The following RASGRP3 variants were observed in gnomAD, a reference collection of about 807,000 sequenced individuals.
RASGRP3 encodes RAS guanyl releasing protein 3.
RASGRP3 carries 54 observed loss-of-function variants against 82.7 expected under a neutral mutation model. The observed-to-expected ratio is 0.65, with a 90% CI of 0.52 to 0.82. The LOEUF is 0.82. Ranked by LOEUF, RASGRP3 falls within the 40% of genes least tolerant of loss-of-function variation. The probability of loss-of-function intolerance (pLI) is 0.00; values close to 1 mark genes in which losing one functional copy is unlikely to be tolerated. For missense variants in RASGRP3, 861 were observed against 828.9 expected (o/e 1.04, Z -0.48); for synonymous variants, 309 against 300.5 (o/e 1.03, Z -0.29).
rs74600205 is a variant in RASGRP3, at chr2:33,516,637, C to G, written c.166C>G (p.Leu56Val). 7,366 of 1,541,298 alleles carry G rather than the reference C, an allele frequency of 4.8e-3. 31 individuals are homozygous for G. The highest frequency in any genetic ancestry group is 6.1e-3 in the Non-Finnish European group (6,892 of 1,123,482). ...TTCCACTGAATTGGCAGAAAAACTTCTCTGCATATATCTTTTCAACTACTG... is the reference window on the plus strand; with the variant it reads ...TTCCACTGAATTGGCAGAAAAACTTGTCTGCATATATCTTTTCAACTACTG... Reference protein sequence around the residue: ...LSSTELAEKLLCMYRNATGES... With the variant: ...LSSTELAEKLVCMYRNATGES... Residue 56 changes from leucine (L) to valine (V), a missense_variant, in exon 4 of 18, where the codon CTC (leucine) becomes GTC (valine). Physicochemically the swap from Leu to Val is conservative, Grantham distance 32 (BLOSUM62 1). Coordinates refer to ENST00000403687, the MANE Select transcript of RASGRP3 (RefSeq NM_001139488.2).
chr2:33,452,062 T>C (rs538264381), intron 2 of RASGRP3, among the ~76,000 whole-genome samples: 1 of 152,310 alleles, frequency 6.6e-6, no homozygotes, highest in African/African-American at 2.4e-5. Context: ...AGATCCAGAA[T>C]TTCTGCCTTG....
chr2:33,450,124 TA>T (rs1313352765), intron 2 of RASGRP3, among the ~76,000 whole-genome samples: 1 of 152,210 alleles, frequency 6.6e-6, no homozygotes, highest in Non-Finnish European at 1.5e-5. Context: ...ATTGACAAAC[TA>T]AAATTGTATA....
At chr2:33,497,623 G>A (rs919911901) in intron 1 of RASGRP3, among the ~76,000 whole-genome samples, 2 of 152,048 alleles carry the variant, frequency 1.3e-5, no homozygotes, top group African/African-American at 4.8e-5. Flanking sequence ...AAGATTCATT[G>A]GTCTATTACT....
At chr2:33,484,546 T>C (rs1467445083) in intron 1 of RASGRP3, among the ~76,000 whole-genome samples, 1 of 152,092 alleles carries the variant, frequency 6.6e-6, no homozygotes, top group Admixed American at 6.5e-5. Flanking sequence ...ATTTTTTTTT[T>C]TTATGGTAAG....
At chr2:33,549,383 C>G (rs10209773) in intron 13 of RASGRP3, among the ~76,000 whole-genome samples, 2 of 152,040 alleles carry the variant, frequency 1.3e-5, no homozygotes, top group Non-Finnish European at 2.9e-5. Flanking sequence ...CACACACACA[C>G]GCAGGATGCA....
intron 8 of RASGRP3, 51 bp downstream of exon 8, chr2:33,524,103 C>A: frequency 6.3e-7 from 1 of 1,575,566 alleles, no homozygotes; most frequent in Non-Finnish European, 8.7e-7. Flanking sequence ...TTCGTTCACT[C>A]TGTTGAGAAA....
chr2:33,462,830 T>C (rs1666457138), intron 2 of RASGRP3, among the ~76,000 whole-genome samples: 1 of 152,256 alleles, frequency 6.6e-6, no homozygotes, highest in South Asian at 2.1e-4. Context: ...GTAGTTCTGC[T>C]TTGAAATAGC....
intron 1 of RASGRP3, among the ~76,000 whole-genome samples, chr2:33,507,512 A>G (rs1238508596): frequency 1.3e-5 from 2 of 152,170 alleles, no homozygotes; most frequent in Non-Finnish European, 2.9e-5. Flanking sequence ...ATTTTGGATC[A>G]AGTCAAAGGA....
chr2:33,513,201 T>C (rs1240143986), intron 2 of RASGRP3, among the ~76,000 whole-genome samples: 1 of 152,250 alleles, frequency 6.6e-6, no homozygotes, highest in African/African-American at 2.4e-5. Context: ...TTATTTTATG[T>C]TCTAAGAGTG....
chr2:33,500,515 G>T (rs1574351764), intron 1 of RASGRP3, among the ~76,000 whole-genome samples: 1 of 152,160 alleles, frequency 6.6e-6, no homozygotes, highest in Admixed American at 6.5e-5. Flanking sequence ...TCAGACTTGG[G>T]CATGAGGGAT....
At chr2:33,539,268 A>G in intron 12 of RASGRP3, 58 bp downstream of exon 12, 11 of 1,322,974 alleles carry the variant, frequency 8.3e-6, no homozygotes, top group Non-Finnish European at 1.2e-5. Context: ...TCTTTCCAGA[A>G]TGTTCTGCGA....
At chr2:33,512,868 G>T (rs928828064) in intron 2 of RASGRP3, among the ~76,000 whole-genome samples, 1 of 152,146 alleles carries the variant, frequency 6.6e-6, no homozygotes, top group African/African-American at 2.4e-5. Flanking sequence ...TGGAGCTTAT[G>T]TTTATGACAC....
intron 2 of RASGRP3, among the ~76,000 whole-genome samples, chr2:33,471,289 C>A (rs1226125631): frequency 7.0e-6 from 1 of 141,920 alleles, no homozygotes; most frequent in Non-Finnish European, 1.6e-5. Flanking sequence ...GATCCTCCTG[C>A]CTCATCCTCC....
chr2:33,439,718 G>C (rs930207654), intron 1 of RASGRP3, among the ~76,000 whole-genome samples: 5 of 152,066 alleles, frequency 3.3e-5, no homozygotes, highest in Non-Finnish European at 7.4e-5. Context: ...AGCAGCAGAG[G>C]GAATGAGCCT....
At chr2:33,474,184 G>A (rs1214137579), upstream of RASGRP3, among the ~76,000 whole-genome samples, 2 of 152,108 alleles carry the variant, frequency 1.3e-5, no homozygotes, top group African/African-American at 4.8e-5. Context: ...TAGTTTGGAT[G>A]TTGTGCCCAC....
intron 2 of RASGRP3, among the ~76,000 whole-genome samples, chr2:33,464,967 T>C (rs1226374890): frequency 1.3e-5 from 2 of 152,156 alleles, no homozygotes; most frequent in African/African-American, 4.8e-5. Flanking sequence ...ATTAGGCCAG[T>C]TAATAATCTT....
chr2:33,472,968 C>T (rs1667148491), upstream of RASGRP3, among the ~76,000 whole-genome samples: 1 of 151,602 alleles, frequency 6.6e-6, no homozygotes, highest in Non-Finnish European at 1.5e-5. Context: ...AAAGCCAAGC[C>T]ACAAGTAGGT....
At chr2:33,506,955 G>C (rs1451322717) in intron 1 of RASGRP3, among the ~76,000 whole-genome samples, 1 of 151,974 alleles carries the variant, frequency 6.6e-6, no homozygotes, top group Non-Finnish European at 1.5e-5. Context: ...GTATGACTTT[G>C]GTGGAGCACA....
At chr2:33,488,773 G>C (rs1668606764) in intron 1 of RASGRP3, among the ~76,000 whole-genome samples, 1 of 152,154 alleles carries the variant, frequency 6.6e-6, no homozygotes, top group Non-Finnish European at 1.5e-5. Context: ...TTGCTGATTG[G>C]TTCAAGAATT....
Sources: gnomAD v4.1 joint callset for allele counts (sites outside exome capture counted in the v4.1 genomes callset) on GRCh38, gnomAD v4.1.1 for gene constraint, MANE v1.5 for transcripts, NCBI Gene and HGNC (gene_info 2026-07-23, HGNC 2026-07-21) for gene names.